The following SPATA46 variants were observed in gnomAD, a reference collection of about 807,000 sequenced individuals.
SPATA46 encodes spermatogenesis associated 46.
SPATA46 carries 3 observed loss-of-function variants against 6.2 expected under a neutral mutation model. That is an observed-to-expected ratio of 0.48 (90% CI 0.22 to 1.25). The LOEUF is 1.25. SPATA46 is among the 50% of genes most tolerant of loss of function. The pLI is 0.20. For missense variants in SPATA46, 308 were observed against 323.5 expected (o/e 0.95, Z 0.37); for synonymous variants, 117 against 123.3 (o/e 0.95, Z 0.34).
Position 162,373,972 on chromosome 1 carries a change from T to G in SPATA46, c.*76A>C. 6.9e-7 allele frequency: 1 copy of G among 1,447,878 alleles called. No homozygotes were observed. Among genetic ancestry groups the G allele is most frequent in the Non-Finnish European group, 9.3e-7 (1 of 1,072,190 alleles). The allele number at this position is 1,447,878 out of a possible 1,614,324, so 89.7% of individuals were successfully genotyped here. A position where few individuals can be genotyped will look rare whatever the true frequency, so the allele number is the denominator to read the frequency against. ...TAGCCAAAGGTGATGAGAGCCGGGT[T>G]CTGGGAAGGACAGCAGGCTGTGCGG... On this transcript the variant is annotated 3_prime_UTR_variant, in exon 3 of 3. Coordinates refer to ENST00000367935, the MANE Select transcript of SPATA46 (RefSeq NM_182581.4).
chr1:162,376,107 A>G (rs142792110), intron 1 of SPATA46, among the ~76,000 whole-genome samples: 62 of 152,246 alleles, frequency 4.1e-4, no homozygotes, highest in Non-Finnish European at 6.6e-4. Flanking sequence ...CTGCATTTCT[A>G]ACAAGCTCCC....
chr1:162,375,474 T>G, intron 1 of SPATA46, 71 bp from the exon 2 acceptor site: 1 of 1,220,640 alleles, frequency 8.2e-7, no homozygotes, highest in Non-Finnish European at 1.2e-6. Flanking sequence ...CCCCCAGGCA[T>G]ACCTAGGGGC....
chr1:162,374,507 G>T lies in SPATA46; in HGVS notation c.327C>A (p.Ser109Arg). 1 of 1,614,224 alleles carries T rather than the reference G, an allele frequency of 6.2e-7. No homozygotes were observed. The highest frequency in any genetic ancestry group is 1.1e-5 in the South Asian group (1 of 91,080). Residue 109 changes from serine to arginine, a missense_variant, in exon 3 of 3, where the codon AGC becomes AGA. Transcript: ENST00000367935. ...CTGGGAAGTCATAGGCCTCCAGCTGGCTCTCTTTGTCTGCACACACGAAGT... is the reference window on the plus strand; with the variant it reads ...CTGGGAAGTCATAGGCCTCCAGCTGTCTCTCTTTGTCTGCACACACGAAGT... Reference protein sequence around the residue: ...YSYFVCADKESQLEAYDFPEV... With the variant: ...YSYFVCADKERQLEAYDFPEV...
chr1:162,374,171 G>A lies in SPATA46; in HGVS notation c.663C>T (p.Ala221=), dbSNP rs1024600473. Residue 221 remains alanine, a synonymous_variant, in exon 3 of 3, where the codon GCC becomes GCT. Transcript: ENST00000367935. The stretch of plus-strand genomic sequence containing the variant: ...GGGCCTTCTGCTCCTTGCTCCAGAG[G>A]GCTTTGAGCTTGCGGTAGTACACCT... The part of the protein sequence containing the change: ...SCKVYYRKLK[A]LWSKEQKARL... 3.7e-6 allele frequency: 6 copies of A among 1,614,126 alleles called. No individual in the cohort carries two copies. The African/African-American group carries it at 8.0e-5, about 22-fold the overall frequency.
At position 162,373,853 on chromosome 1, in the gene SPATA46, C is replaced by A; in HGVS notation, c.*195G>T. The A allele has an allele frequency of 1.6e-6, 1 of 629,274 alleles. No homozygotes were observed. The highest frequency in any genetic ancestry group is 2.8e-5 in the East Asian group (1 of 35,254). 39.0% of individuals were successfully genotyped at this position (629,274 alleles called of 1,614,324 possible). On this transcript the variant is annotated 3_prime_UTR_variant, in exon 3 of 3. Coordinates refer to ENST00000367935, the MANE Select transcript of SPATA46 (RefSeq NM_182581.4). ...GCCAGCTGGGCACCTTTGAGAACCT[C>A]TATCTTAGATGATTTTCCCAAACTT...
chr1:162,373,871 C>A lies in SPATA46; in HGVS notation c.*177G>T. 1.4e-6 allele frequency: 1 copy of A among 712,766 alleles called. No homozygotes were observed. Among genetic ancestry groups the A allele is most frequent in the East Asian group, 2.7e-5 (1 of 37,482 alleles). The allele number at this position is 712,766 out of a possible 1,614,324, so 44.2% of individuals were successfully genotyped here. ...AGAACCTCTATCTTAGATGATTTTC[C>A]CAAACTTCAAGTATTGTCTTTATTT... On this transcript the variant is annotated 3_prime_UTR_variant, in exon 3 of 3. Transcript: ENST00000367935.
At chr1:162,375,050 G>A (rs936704639) in intron 2 of SPATA46, among the ~76,000 whole-genome samples, 1 of 152,014 alleles carries the variant, frequency 6.6e-6, no homozygotes, top group African/African-American at 2.4e-5. Context: ...ATCCCTCCAC[G>A]GCCCACTCAG....
chr1:162,375,482 G>T, intron 1 of SPATA46, 79 bp from the exon 2 acceptor site: 1 of 1,122,594 alleles, frequency 8.9e-7, no homozygotes, highest in South Asian at 1.3e-5. Context: ...CATACCTAGG[G>T]GCTCAACCTC....
rs543965079 is a variant in SPATA46, at chr1:162,373,996, G to A, written c.*52C>T. The A allele has an allele frequency of 3.6e-5, 55 of 1,522,196 alleles. No homozygotes were observed. Among genetic ancestry groups the A allele is most frequent in the Admixed American group, 2.8e-4 (14 of 49,680 alleles). The allele number at this position is 1,522,196 out of a possible 1,614,324, so 94.3% of individuals were successfully genotyped here. On this transcript the variant is annotated 3_prime_UTR_variant, in exon 3 of 3. Coordinates refer to ENST00000367935, the MANE Select transcript of SPATA46 (RefSeq NM_182581.4). ...TTCTGGGAAGGACAGCAGGCTGTGC[G>A]GGGTGACCTCAGACTGGACAGAAGG...
intron 1 of SPATA46, 165 bp downstream of exon 1, chr1:162,376,523 G>A: frequency 1.4e-6 from 1 of 698,134 alleles, no homozygotes; most frequent in Non-Finnish European, 2.3e-6. Flanking sequence ...ATACACAGCA[G>A]TAACTACTTA....
chr1:162,376,662 G>A (rs935193910), intron 1 of SPATA46, 26 bp downstream of exon 1: 1 of 1,589,576 alleles, frequency 6.3e-7, no homozygotes, highest in Non-Finnish European at 8.6e-7. Flanking sequence ...CCACATCTTT[G>A]TGGCCCTAGT....
intron 1 of SPATA46, 35 bp downstream of exon 1, chr1:162,376,653 C>G: frequency 6.3e-7 from 1 of 1,577,356 alleles, no homozygotes; most frequent in Non-Finnish European, 8.7e-7. Context: ...CAAAAAAAAC[C>G]ACATCTTTGT....
Sources: allele counts gnomAD v4.1 joint callset (sites outside exome capture counted in the v4.1 genomes callset), GRCh38; gene constraint gnomAD v4.1.1; transcripts MANE v1.5; gene names NCBI Gene and HGNC (gene_info 2026-07-23, HGNC 2026-07-21).